TXLNB: variants seen among roughly 807,000 people sequenced by gnomAD.
TXLNB encodes beta-taxilin.
In TXLNB, 37 loss-of-function variants were observed where a neutral mutation model predicts 57.4. That is an observed-to-expected ratio of 0.64 (90% confidence interval 0.50 to 0.85). The LOEUF (loss-of-function observed/expected upper bound fraction) is 0.85. Ranked by LOEUF, TXLNB falls within the 40% of genes least tolerant of loss-of-function variation. The pLI, the probability that TXLNB is intolerant of heterozygous loss-of-function variation, is 0.00. For synonymous variants in TXLNB, 302 were observed against 309.6 expected, an observed-to-expected ratio of 0.98 and a Z score of 0.26; for missense variants, 848 against 825.6, an observed-to-expected ratio of 1.03 and a Z score of -0.33.
intron 6 of TXLNB, among the ~76,000 whole-genome samples, chr6:139,257,289 C>CA (rs1401176629): frequency 6.6e-6 from 1 of 152,118 alleles, no homozygotes; most frequent in African/African-American, 2.4e-5. Flanking sequence ...CACTTCCCCC[C>CA]AGTCTTTTAT....
chr6:139,273,696 A>T (rs1776824736), intron 3 of TXLNB, among the ~76,000 whole-genome samples: 1 of 152,208 alleles, frequency 6.6e-6, no homozygotes, highest in African/African-American at 2.4e-5. Flanking sequence ...GAGCTCAAGC[A>T]ATCTGCCTGC....
chr6:139,188,230 T>C, the TXLNB span, among the ~76,000 whole-genome samples: 1 of 152,080 alleles, frequency 6.6e-6, no homozygotes, highest in Non-Finnish European at 1.5e-5. Context: ...AATCGATGGG[T>C]GCGTTGATGG....
the TXLNB span, among the ~76,000 whole-genome samples, chr6:139,230,859 A>G: frequency 6.6e-6 from 1 of 152,356 alleles, no homozygotes; most frequent in East Asian, 1.9e-4. Context: ...ATGAAAAAGT[A>G]GCTAGCCACA....
At chr6:139,196,552 T>C in the TXLNB span, among the ~76,000 whole-genome samples, 1 of 151,358 alleles carries the variant, frequency 6.6e-6, no homozygotes, top group Non-Finnish European at 1.5e-5. Context: ...GTTTTTGTAT[T>C]TTTAGTAGAG....
At chr6:139,317,138 T>C in the TXLNB span, among the ~76,000 whole-genome samples, 2 of 152,150 alleles carry the variant, frequency 1.3e-5, no homozygotes, top group Non-Finnish European at 2.9e-5. Context: ...AGACAAAAAT[T>C]GAGTTCAGAC....
the TXLNB span, among the ~76,000 whole-genome samples, chr6:139,305,583 T>G: frequency 6.6e-6 from 1 of 152,162 alleles, no homozygotes; most frequent in Non-Finnish European, 1.5e-5. Context: ...AGTTTATAAA[T>G]TGTTAGAGTC....
the TXLNB span, among the ~76,000 whole-genome samples, chr6:139,221,258 G>T: frequency 6.6e-5 from 10 of 152,108 alleles, no homozygotes; most frequent in Admixed American, 2.0e-4. Context: ...ATGGTTTAGG[G>T]CCCTGGCAAA....
At chr6:139,166,872 GC>G in the TXLNB span, 3 of 1,613,928 alleles carry the variant, frequency 1.9e-6, no homozygotes, top group Non-Finnish European at 2.5e-6. Context: ...CACTTCAGCG[GC>G]CCCCGCTCCT....
At chr6:139,274,075 A>C (rs1776834403) in intron 3 of TXLNB, among the ~76,000 whole-genome samples, 1 of 152,234 alleles carries the variant, frequency 6.6e-6, no homozygotes, top group African/African-American at 2.4e-5. Context: ...TACTAAATTA[A>C]AATCCTATTA....
intron 5 of TXLNB, among the ~76,000 whole-genome samples, chr6:139,262,255 G>C (rs1776502347): frequency 6.6e-6 from 1 of 152,122 alleles, no homozygotes; most frequent in Non-Finnish European, 1.5e-5. Flanking sequence ...AAGAGGGAGT[G>C]CGTGAGTTAT....
the TXLNB span, among the ~76,000 whole-genome samples, chr6:139,222,897 A>AAAAC: frequency 1.3e-5 from 2 of 152,244 alleles, no homozygotes; most frequent in African/African-American, 4.8e-5. Flanking sequence ...CAATGGACCA[A>AAAAC]AAACTGGTCA....
At position 139,242,678 on chromosome 6, in the gene TXLNB, A is replaced by G. The variant is rs1165864944; in HGVS notation, c.1903T>C (p.Cys635Arg). 1.9e-6 allele frequency: 3 copies of G among 1,610,696 alleles called. No individual in the cohort carries two copies. The South Asian group carries it at 3.3e-5, about 18-fold the overall frequency. The change falls in exon 10 of 10, where the codon TGC becomes CGC. Residue 635 changes from cysteine to arginine, a missense_variant. By Grantham distance (180) the Cys-to-Arg change is radical (BLOSUM62 -3). Transcript: ENST00000358430. ...GCTGCAACGTGCTCTTCTGCTGCGC[A>G]TGCTGGAGCAGGCACATCTGCCTCC... ...KMEADVPAPA[C>R]AAEEHVAAMV...
chr6:139,243,410 G>T, intron 9 of TXLNB, 96 bp from the exon 10 acceptor site: 1 of 1,341,132 alleles, frequency 7.5e-7, no homozygotes, highest in Non-Finnish European at 1.0e-6. Flanking sequence ...AAAACTATTT[G>T]TCCCAGAATT....
chr6:139,285,883 T>C (rs1777160936), intron 2 of TXLNB, among the ~76,000 whole-genome samples: 1 of 145,648 alleles, frequency 6.9e-6, no homozygotes, highest in African/African-American at 2.5e-5. Flanking sequence ...TCATTTCAGA[T>C]GCCAAGGGGA....
At chr6:139,252,421 G>A (rs138939837) in intron 7 of TXLNB, among the ~76,000 whole-genome samples, 125 of 152,304 alleles carry the variant, frequency 8.2e-4, no homozygotes, top group African/African-American at 1.3e-3. Context: ...ACATGATTAC[G>A]CATAGGGATT....
chr6:139,291,091 T>C (rs1269043754), intron 1 of TXLNB, among the ~76,000 whole-genome samples: 2 of 152,234 alleles, frequency 1.3e-5, no homozygotes, highest in East Asian at 3.8e-4. Context: ...CTGACCTCAC[T>C]TGTTGATTGC....
chr6:139,302,807 A>T, the TXLNB span, among the ~76,000 whole-genome samples: 20 of 152,200 alleles, frequency 1.3e-4, 1 homozygote, highest in East Asian at 3.7e-3. Flanking sequence ...AAAGAAAAAA[A>T]AACCTTGTTA....
At chr6:139,278,728 A>G (rs1433293286) in intron 2 of TXLNB, among the ~76,000 whole-genome samples, 3 of 152,234 alleles carry the variant, frequency 2.0e-5, no homozygotes, top group Non-Finnish European at 4.4e-5. Flanking sequence ...AAAGCTGGCC[A>G]GGCACGGTGG....
the TXLNB span, among the ~76,000 whole-genome samples, chr6:139,186,405 C>A: frequency 2.6e-5 from 4 of 152,240 alleles, no homozygotes; most frequent in African/African-American, 9.6e-5. Context: ...ACATAAGGTA[C>A]TCAATATTGT....
Sources: gnomAD v4.1 joint callset for allele counts (sites outside exome capture counted in the v4.1 genomes callset) on GRCh38, gnomAD v4.1.1 for gene constraint, MANE v1.5 for transcripts, NCBI Gene and HGNC (gene_info 2026-07-23, HGNC 2026-07-21) for gene names.